SRGAP3: variants seen among roughly 807,000 people sequenced by gnomAD.
SRGAP3 encodes SLIT-ROBO Rho GTPase-activating protein 3.
A neutral mutation model predicts 121.1 loss-of-function variants in SRGAP3; 39 were observed. The observed-to-expected ratio is 0.32, with a 90% CI of 0.25 to 0.42. SRGAP3 has a LOEUF of 0.42. SRGAP3 is among the 10% of genes least tolerant of loss of function. The pLI, the probability that SRGAP3 is intolerant of heterozygous loss-of-function variation, is 1.00. For missense variants in SRGAP3, 1,213 were observed against 1,470.6 expected (o/e 0.82, Z 2.86); for synonymous variants, 601 against 570.0 (o/e 1.05, Z -0.77).
At chr3:9,284,575 A>T (rs1229303235) in intron 3 of SRGAP3, among the ~76,000 whole-genome samples, 3 of 152,206 alleles carry the variant, frequency 2.0e-5, no homozygotes, top group African/African-American at 7.2e-5. Context: ...ACATGCCTGT[A>T]ATCCCAACAT....
chr3:9,358,127 G>A (rs1014140702), intron 1 of SRGAP3, among the ~76,000 whole-genome samples: 1 of 152,038 alleles, frequency 6.6e-6, no homozygotes, highest in Non-Finnish European at 1.5e-5. Context: ...GTAAAATTCA[G>A]TGTTTCTTAG....
intron 1 of SRGAP3, among the ~76,000 whole-genome samples, chr3:9,202,554 G>A (rs1399118651): frequency 6.6e-6 from 1 of 152,174 alleles, no homozygotes; most frequent in Admixed American, 6.5e-5. Context: ...CTCTTGTCTG[G>A]AGCAGAGGTT....
In SRGAP3 at chr3:9,043,500, G is replaced by A. The variant is rs77582033; in HGVS notation, c.1408+3891C>T. Among the ~76,000 whole-genome samples the A allele has an allele frequency of 7.9e-5, 12 of 152,204 alleles. No homozygotes were observed. In the East Asian group the frequency reaches 2.1e-3, roughly 27 times the overall value. On this transcript the variant is annotated intron_variant, in intron 10 of 21. Coordinates refer to ENST00000383836, the MANE Select transcript of SRGAP3 (RefSeq NM_014850.4). ...TAGAAATCAAAGGTTTTAGGATGTG[G>A]AGTGGAATGTCAGAACACACTGAAG...
intron 3 of SRGAP3, among the ~76,000 whole-genome samples, chr3:9,104,187 T>TA (rs2124911343): frequency 6.6e-6 from 1 of 152,332 alleles, no homozygotes; most frequent in African/African-American, 2.4e-5. Flanking sequence ...TTAGGTGACA[T>TA]AAGCAGGTAG....
chr3:9,269,116 A>G (rs1221828102), intron 3 of SRGAP3, among the ~76,000 whole-genome samples: 2 of 152,228 alleles, frequency 1.3e-5, no homozygotes, highest in Non-Finnish European at 2.9e-5. Context: ...CTCACAGGTC[A>G]TATCTTGAAA....
intron 3 of SRGAP3, among the ~76,000 whole-genome samples, chr3:9,305,357 T>G (rs1306922515): frequency 7.1e-6 from 1 of 141,692 alleles, no homozygotes; most frequent in Admixed American, 7.0e-5. Context: ...TCACAGGAGG[T>G]CCTCTCTTTT....
intron 1 of SRGAP3, among the ~76,000 whole-genome samples, chr3:9,337,990 T>A (rs1955719871): frequency 6.6e-6 from 1 of 152,228 alleles, no homozygotes; most frequent in Non-Finnish European, 1.5e-5. Flanking sequence ...AAGTTTCACA[T>A]AACATACTTT....
chr3:9,348,986 G>A, intron 1 of SRGAP3: 1 of 916,100 alleles, frequency 1.1e-6, no homozygotes, highest in Non-Finnish European at 1.8e-6. Flanking sequence ...GGTACTAATT[G>A]CAGCCCATGG....
chr3:9,151,414 G>A (rs189215463), intron 1 of SRGAP3, among the ~76,000 whole-genome samples: 25 of 152,308 alleles, frequency 1.6e-4, no homozygotes, highest in South Asian at 6.2e-4. Context: ...AGAAGGTCCC[G>A]AGATGCCCAG....
At chr3:9,017,298 T>A (rs1020899301) in intron 14 of SRGAP3, among the ~76,000 whole-genome samples, 5 of 152,224 alleles carry the variant, frequency 3.3e-5, no homozygotes, top group Non-Finnish European at 5.9e-5. Flanking sequence ...CCTTCACTTA[T>A]TTTGTATTTG....
At chr3:9,265,365 T>C (rs978140239) in intron 3 of SRGAP3, among the ~76,000 whole-genome samples, 3 of 152,046 alleles carry the variant, frequency 2.0e-5, no homozygotes, top group Non-Finnish European at 4.4e-5. Context: ...AAAGCCAAAA[T>C]TGACAAATGG....
intron 3 of SRGAP3, among the ~76,000 whole-genome samples, chr3:9,294,695 CGTGTGTGTGTGTGT>C (rs753452580): frequency 2.9e-4 from 35 of 119,884 alleles, no homozygotes; most frequent in African/African-American, 7.1e-4. Context: ...TTGAAGCTTT[CGTGTGTGTGTGTGT>C]GTGTGTGTGT....
chr3:9,254,609 C>T (rs1226685673), upstream of SRGAP3, among the ~76,000 whole-genome samples: 1 of 152,044 alleles, frequency 6.6e-6, no homozygotes, highest in African/African-American at 2.4e-5. Context: ...GTCTAGGCAT[C>T]ATAGAGAGAC....
chr3:8,997,268 T>C (rs2124961834), intron 18 of SRGAP3, among the ~76,000 whole-genome samples: 1 of 152,282 alleles, frequency 6.6e-6, no homozygotes, highest in South Asian at 2.1e-4. Flanking sequence ...GTCTACCTGC[T>C]CACCCAGGCC....
At chr3:9,200,407 TAGAA>T (rs932047308) in intron 1 of SRGAP3, among the ~76,000 whole-genome samples, 2 of 152,056 alleles carry the variant, frequency 1.3e-5, no homozygotes, top group African/African-American at 4.8e-5. Flanking sequence ...CTAGCACAAA[TAGAA>T]AGATGAAAAA....
intron 3 of SRGAP3, among the ~76,000 whole-genome samples, chr3:9,308,985 A>T (rs943672178): frequency 5.9e-5 from 9 of 152,102 alleles, no homozygotes; most frequent in Admixed American, 5.9e-4. Context: ...TCTCTCCCAC[A>T]CTGATTCTGG....
At chr3:9,292,160 C>T (rs1243773933) in intron 3 of SRGAP3, among the ~76,000 whole-genome samples, 2 of 152,228 alleles carry the variant, frequency 1.3e-5, no homozygotes, top group Non-Finnish European at 2.9e-5. Flanking sequence ...GAAACAATGA[C>T]ATAGATCTTT....
chr3:9,338,843 T>A (rs368306869), intron 1 of SRGAP3, among the ~76,000 whole-genome samples: 1 of 152,220 alleles, frequency 6.6e-6, no homozygotes, highest in Non-Finnish European at 1.5e-5. Flanking sequence ...TCTCATTACA[T>A]GCCAAACCAA....
rs2124884700 is a variant in SRGAP3 at position 8,983,455 on chromosome 3, C to T, written c.*2064G>A. ...CCTTCAGACGAGGTAGTGGCTTTAC[C>T]CTCCTAACTTATCTAGGTGCCAGTG... On this transcript the variant is annotated 3_prime_UTR_variant, in exon 22 of 22. Transcript: ENST00000383836. 1 of 229,662 alleles carries T rather than the reference C, an allele frequency of 4.4e-6. No individual in the cohort carries two copies. Among genetic ancestry groups the T allele is most frequent in the African/African-American group, 2.2e-5 (1 of 45,194 alleles). The allele number at this position is 229,662 out of a possible 1,614,324, so 14.2% of individuals were successfully genotyped here.
Sources: allele counts gnomAD v4.1 joint callset (sites outside exome capture counted in the v4.1 genomes callset), GRCh38; gene constraint gnomAD v4.1.1; transcripts MANE v1.5; gene names NCBI Gene and HGNC (gene_info 2026-07-23, HGNC 2026-07-21).